Variants in MTHFD2L observed in about 807,000 individuals in gnomAD.
The protein encoded by MTHFD2L is bifunctional methylenetetrahydrofolate dehydrogenase/cyclohydrolase 2, mitochondrial.
In MTHFD2L, 29 loss-of-function variants were observed where a neutral mutation model predicts 34.9. The ratio of observed to expected loss-of-function variants is 0.83; its 90% confidence interval spans 0.62 to 1.13. The LOEUF (loss-of-function observed/expected upper bound fraction) is 1.13. MTHFD2L is among the 50% of genes most tolerant of loss of function. MTHFD2L has a pLI of 0.00. For missense variants in MTHFD2L, 481 were observed against 446.5 expected (o/e 1.08, Z -0.70); for synonymous variants, 167 against 155.7 (o/e 1.07, Z -0.54).
At chr4:74,118,974 C>T (rs1721703061), upstream of MTHFD2L, among the ~76,000 whole-genome samples, 1 of 152,172 alleles carries the variant, frequency 6.6e-6, no homozygotes, top group Non-Finnish European at 1.5e-5. Flanking sequence ...GGTGGTGATG[C>T]TAGCTCTGAG....
At chr4:74,216,584 A>G (rs192113355) in intron 5 of MTHFD2L, among the ~76,000 whole-genome samples, 2 of 151,866 alleles carry the variant, frequency 1.3e-5, no homozygotes, top group African/African-American at 4.9e-5. Flanking sequence ...TTTAGACCAT[A>G]TAACCACTAT....
At chr4:74,252,355 G>A (rs1046084912) in intron 6 of MTHFD2L, among the ~76,000 whole-genome samples, 4 of 152,038 alleles carry the variant, frequency 2.6e-5, no homozygotes, top group Non-Finnish European at 5.9e-5. Flanking sequence ...GAGATATCTC[G>A]GGGGTCATAA....
chr4:74,163,842 A>T (rs536780), intron 1 of MTHFD2L, among the ~76,000 whole-genome samples: 146,384 of 152,266 alleles, frequency 0.96, 70,621 homozygotes, highest in East Asian at 1. Context: ...ATTGTTAATC[A>T]TTCTATTAGG....
At chr4:74,136,016 A>G (rs1170106240) in intron 1 of MTHFD2L, among the ~76,000 whole-genome samples, 1 of 152,160 alleles carries the variant, frequency 6.6e-6, no homozygotes, top group Non-Finnish European at 1.5e-5. Context: ...ACCCATAGCT[A>G]ACAACACACT....
At chr4:74,128,693 T>C (rs1221714269) in intron 1 of MTHFD2L, among the ~76,000 whole-genome samples, 2 of 152,118 alleles carry the variant, frequency 1.3e-5, no homozygotes, top group African/African-American at 4.8e-5. Flanking sequence ...GCTTTGGCTA[T>C]TCAGGGAATT....
chr4:74,163,712 A>G (rs1489210168), intron 1 of MTHFD2L, among the ~76,000 whole-genome samples: 2 of 152,186 alleles, frequency 1.3e-5, no homozygotes, highest in African/African-American at 4.8e-5. Flanking sequence ...TTTATTCCCT[A>G]TGGAATTTTG....
intron 3 of MTHFD2L, among the ~76,000 whole-genome samples, chr4:74,190,830 A>T (rs1732341570): frequency 6.6e-6 from 1 of 152,226 alleles, no homozygotes; most frequent in African/African-American, 2.4e-5. Flanking sequence ...GAGTAGGCAG[A>T]CATTTATTCC....
chr4:74,280,607 A>C lies in MTHFD2L; in HGVS notation c.806-818A>C, dbSNP rs142508136. On this transcript the variant is annotated intron_variant, in intron 6 of 7. Transcript: ENST00000325278. ...AATAAATTGTTGCTTTAATCTATTA[A>C]ATTTGTGATTGGATTGTTCAATGTT... Among the ~76,000 whole-genome samples, 806 of 150,442 alleles carry C rather than the reference A, an allele frequency of 5.4e-3. 22 individuals carry two copies. The highest frequency in any genetic ancestry group is 0.045 in the Admixed American group (682 of 15,084).
At chr4:74,278,639 A>T (rs1747004176) in intron 6 of MTHFD2L, among the ~76,000 whole-genome samples, 1 of 152,104 alleles carries the variant, frequency 6.6e-6, no homozygotes, top group African/African-American at 2.4e-5. Flanking sequence ...TTATGGCCTC[A>T]GCTAAAGTGA....
chr4:74,135,668 T>C, intron 1 of MTHFD2L, among the ~76,000 whole-genome samples: 1 of 145,816 alleles, frequency 6.9e-6, no homozygotes. Context: ...CCAGTGTTAC[T>C]GTGATACCAA....
intron 6 of MTHFD2L, among the ~76,000 whole-genome samples, chr4:74,230,583 C>CT (rs1383783350): frequency 1.7e-5 from 2 of 118,372 alleles, no homozygotes; most frequent in Non-Finnish European, 3.4e-5. Flanking sequence ...GAGCAAGACT[C>CT]TGTCTCAGAA....
chr4:74,295,670 T>G (rs59142088), intron 7 of MTHFD2L, among the ~76,000 whole-genome samples: 1 of 152,142 alleles, frequency 6.6e-6, no homozygotes, highest in East Asian at 1.9e-4. Context: ...CTTGATATTT[T>G]CTATGAGCCT....
At chr4:74,121,617 T>C (rs1721763739), upstream of MTHFD2L, among the ~76,000 whole-genome samples, 1 of 145,660 alleles carries the variant, frequency 6.9e-6, no homozygotes, top group African/African-American at 2.5e-5. Context: ...TATTTAATTA[T>C]ATATAATTAA....
chr4:74,273,726 C>G (rs1420180984), intron 6 of MTHFD2L, among the ~76,000 whole-genome samples: 1 of 152,098 alleles, frequency 6.6e-6, no homozygotes, highest in African/African-American at 2.4e-5. Flanking sequence ...GGGGAATGGT[C>G]TTCGGTTTAA....
At chr4:74,230,244 C>T (rs28485184) in intron 6 of MTHFD2L, among the ~76,000 whole-genome samples, 1,813 of 152,110 alleles carry the variant, frequency 0.012, 43 homozygotes, top group African/African-American at 0.041. Context: ...TAGTTCATGT[C>T]ATTAAGTGTA....
chr4:74,130,635 G>A (rs1000798102), intron 1 of MTHFD2L, among the ~76,000 whole-genome samples: 2 of 152,132 alleles, frequency 1.3e-5, no homozygotes, highest in East Asian at 1.9e-4. Context: ...ATATCATACT[G>A]ATTGGGCAAA....
At chr4:74,117,637 G>T (rs774267548) in intron 2 of MTHFD2L, among the ~76,000 whole-genome samples, 11 of 152,292 alleles carry the variant, frequency 7.2e-5, no homozygotes, top group East Asian at 3.9e-4. Context: ...AACATTTGGG[G>T]TCATTTCTTT....
intron 1 of MTHFD2L, among the ~76,000 whole-genome samples, chr4:74,171,802 CA>C (rs947768811): frequency 2.6e-5 from 4 of 151,094 alleles, no homozygotes; most frequent in East Asian, 1.9e-4. Context: ...CTGTCCCCCA[CA>C]AAAAAAATAT....
intron 6 of MTHFD2L, among the ~76,000 whole-genome samples, chr4:74,229,933 C>A (rs1201278773): frequency 2.0e-5 from 3 of 152,072 alleles, no homozygotes; most frequent in African/African-American, 7.2e-5. Flanking sequence ...TAGACTACAG[C>A]AGGTAAAGGC....
Sources: gnomAD v4.1 joint callset for allele counts (sites outside exome capture counted in the v4.1 genomes callset) on GRCh38, gnomAD v4.1.1 for gene constraint, MANE v1.5 for transcripts, NCBI Gene and HGNC (gene_info 2026-07-23, HGNC 2026-07-21) for gene names.